The following XKR4 variants were observed in gnomAD, a reference collection of about 807,000 sequenced individuals.
The protein encoded by XKR4 is XK-related protein 4.
A neutral mutation model predicts 53.9 loss-of-function variants in XKR4; 12 were observed. The ratio of observed to expected loss-of-function variants is 0.22; its 90% CI spans 0.14 to 0.36. The LOEUF (loss-of-function observed/expected upper bound fraction) is 0.36, where lower values mean the gene tolerates loss of function less well. Among genes scored for constraint, XKR4 ranks in the 10% least tolerant of loss-of-function variants. XKR4 has a pLI of 1.00. For synonymous variants in XKR4, 354 were observed against 362.4 expected (o/e 0.98, Z 0.26); for missense variants, 799 against 859.5 (o/e 0.93, Z 0.88).
At chr8:55,178,931 G>A (rs1263535330) in intron 1 of XKR4, among the ~76,000 whole-genome samples, 1 of 152,128 alleles carries the variant, frequency 6.6e-6, no homozygotes, top group Non-Finnish European at 1.5e-5. Flanking sequence ...AATTCAGAAT[G>A]TTTACTTTTT....
intron 1 of XKR4, among the ~76,000 whole-genome samples, chr8:55,186,472 G>A (rs993508629): frequency 1.3e-5 from 2 of 151,988 alleles, no homozygotes; most frequent in African/African-American, 4.8e-5. Context: ...TGGCTAACAT[G>A]GTGAAACCCC....
intron 2 of XKR4, among the ~76,000 whole-genome samples, chr8:55,361,138 G>A (rs1585538182): frequency 6.6e-6 from 1 of 152,234 alleles, no homozygotes; most frequent in African/African-American, 2.4e-5. Flanking sequence ...TACACACCAG[G>A]AGGCCCGACT....
At chr8:55,280,160 G>A (rs1208707996) in intron 1 of XKR4, among the ~76,000 whole-genome samples, 1 of 152,162 alleles carries the variant, frequency 6.6e-6, no homozygotes, top group Non-Finnish European at 1.5e-5. Context: ...GCACAGAAAA[G>A]CGTTCCAATA....
intron 2 of XKR4, among the ~76,000 whole-genome samples, chr8:55,459,136 A>G (rs1378754730): frequency 6.6e-6 from 1 of 152,240 alleles, no homozygotes; most frequent in Admixed American, 6.5e-5. Context: ...CTTTATGGTC[A>G]ATTGAGTTTT....
At chr8:55,192,211 TTAATACAA>T (rs1817451290) in intron 1 of XKR4, among the ~76,000 whole-genome samples, 4 of 143,602 alleles carry the variant, frequency 2.8e-5, no homozygotes, top group Admixed American at 2.1e-4. Context: ...GTTAAGGGAC[TTAATACAA>T]TTCTTACAAA....
intron 2 of XKR4, among the ~76,000 whole-genome samples, chr8:55,426,971 T>C (rs191275153): frequency 3.1e-4 from 47 of 152,344 alleles, no homozygotes; most frequent in African/African-American, 1.1e-3. Context: ...TACCACTGCC[T>C]ACAGTTGCTA....
rs143083623 is a variant in XKR4, at chr8:55,487,774, C to A, written c.1007-35507C>A. Among the ~76,000 whole-genome samples, 322 of 152,280 alleles carry A rather than the reference C, an allele frequency of 2.1e-3. 2 individuals carry two copies. The highest frequency in any genetic ancestry group is 7.2e-3 in the African/African-American group (299 of 41,560). On this transcript the variant is annotated intron_variant, in intron 2 of 2. Transcript: ENST00000327381. ...AGGCGTAAGCCACTACCTAGTTACT[C>A]CTTAATCCAGTCAAAATGACACCTA...
At chr8:55,511,528 T>C (rs1449634125) in intron 2 of XKR4, among the ~76,000 whole-genome samples, 1 of 152,088 alleles carries the variant, frequency 6.6e-6, no homozygotes, top group Non-Finnish European at 1.5e-5. Context: ...AGGGACCCTA[T>C]ATTATGAGCT....
Position 55,243,598 on chromosome 8 carries a change from G to C in XKR4, c.807-114080G>C, listed in dbSNP as rs4329253. Among the ~76,000 whole-genome samples, 347 of 152,230 alleles carry C rather than the reference G, an allele frequency of 2.3e-3. 1 individual carries two copies. Among genetic ancestry groups the C allele is most frequent in the African/African-American group, 7.8e-3 (325 of 41,550 alleles). On this transcript the variant is annotated intron_variant, in intron 1 of 2. Coordinates refer to ENST00000327381, the MANE Select transcript of XKR4 (RefSeq NM_052898.2). ...TCGGTAAATACCAAGGAACTCAATTGCTGGGCCGTTGGTGAGAGTGTGCTT... is the reference window on the plus strand; with the variant it reads ...TCGGTAAATACCAAGGAACTCAATTCCTGGGCCGTTGGTGAGAGTGTGCTT...
intron 1 of XKR4, among the ~76,000 whole-genome samples, chr8:55,208,614 C>G (rs569412286): frequency 2.0e-4 from 30 of 151,976 alleles, no homozygotes; most frequent in African/African-American, 6.5e-4. Context: ...GTACAGGCGC[C>G]CACCACCACA....
rs78629731 is a variant in XKR4, at chr8:55,310,814, C to T, written c.807-46864C>T. 1.2e-3 allele frequency among the ~76,000 whole-genome samples: 182 copies of T among 152,200 alleles called. 3 individuals carry two copies. The highest frequency in any genetic ancestry group is 6.4e-3 in the East Asian group (33 of 5,180). ...GAGATTCGTGAGAAAAGGTTTATTC[C>T]GGAATGCTCAGGAAAAACTTGGAGG... On this transcript the variant is annotated intron_variant, in intron 1 of 2. Transcript: ENST00000327381.
At chr8:55,161,767 T>C (rs1459648139) in intron 1 of XKR4, 1 of 370,886 alleles carries the variant, frequency 2.7e-6, no homozygotes, top group East Asian at 7.7e-5. Flanking sequence ...ACTAAATTCT[T>C]TTCTCCACTT....
intron 1 of XKR4, among the ~76,000 whole-genome samples, chr8:55,174,725 C>T (rs1402406849): frequency 6.6e-6 from 1 of 152,164 alleles, no homozygotes; most frequent in Non-Finnish European, 1.5e-5. Flanking sequence ...GTAACTGTCA[C>T]TAGTCTCTCC....
chr8:55,266,138 A>T (rs1182758253), intron 1 of XKR4, among the ~76,000 whole-genome samples: 1 of 151,958 alleles, frequency 6.6e-6, no homozygotes, highest in Non-Finnish European at 1.5e-5. Context: ...AGCCTCAGTG[A>T]CAGAGTGAGA....
At chr8:55,416,696 G>C (rs1204241189) in intron 2 of XKR4, among the ~76,000 whole-genome samples, 1 of 152,204 alleles carries the variant, frequency 6.6e-6, no homozygotes, top group Admixed American at 6.5e-5. Flanking sequence ...CCATCAGTCA[G>C]CTCATTTCCA....
At chr8:55,112,629 G>A (rs1468587974) in intron 1 of XKR4, among the ~76,000 whole-genome samples, 1 of 118,230 alleles carries the variant, frequency 8.5e-6, no homozygotes, top group Admixed American at 1.2e-4. Flanking sequence ...GGTAGCAATC[G>A]TAGCAATAAC....
intron 1 of XKR4, among the ~76,000 whole-genome samples, chr8:55,306,360 A>G (rs1819300045): frequency 6.6e-6 from 1 of 152,248 alleles, no homozygotes; most frequent in South Asian, 2.1e-4. Flanking sequence ...AGCAGCTCCT[A>G]AAACAGTACA....
intron 1 of XKR4, among the ~76,000 whole-genome samples, chr8:55,185,644 T>A (rs1329154474): frequency 2.0e-5 from 3 of 152,240 alleles, no homozygotes; most frequent in African/African-American, 7.2e-5. Context: ...ACATTTGGGC[T>A]CCAGGGCTTG....
At chr8:55,267,887 A>T (rs956131547) in intron 1 of XKR4, among the ~76,000 whole-genome samples, 3 of 152,174 alleles carry the variant, frequency 2.0e-5, no homozygotes, top group African/African-American at 7.2e-5. Flanking sequence ...ATCTCATAAG[A>T]TGTTTGCTGA....
Sources: allele counts gnomAD v4.1 joint callset (sites outside exome capture counted in the v4.1 genomes callset), GRCh38; gene constraint gnomAD v4.1.1; transcripts MANE v1.5; gene names NCBI Gene and HGNC (gene_info 2026-07-23, HGNC 2026-07-21).